The following PLAAT4 variants were observed in gnomAD, a reference collection of about 807,000 sequenced individuals.
PLAAT4 encodes phospholipase A and acyltransferase 4, also known as HRAS-like suppressor 4.
A neutral mutation model predicts 14.1 loss-of-function variants in PLAAT4; 12 were observed. The observed-to-expected ratio is 0.85, with a 90% CI of 0.54 to 1.37. The LOEUF is 1.37. Ranked by LOEUF, PLAAT4 falls within the 40% of genes most tolerant of loss-of-function variation. The probability of loss-of-function intolerance (pLI) is 0.00; values close to 1 mark genes in which losing one functional copy is unlikely to be tolerated. For missense variants in PLAAT4, 163 were observed against 211.7 expected, an observed-to-expected ratio of 0.77 and a Z score of 1.43; for synonymous variants, 77 against 79.8, an observed-to-expected ratio of 0.96 and a Z score of 0.19.
chr11:63,536,883 T>C lies in PLAAT4; in HGVS notation c.9+6T>C, dbSNP rs779660328. ...TTGGCTTCGAGATGGCTTCGGTAAG[T>C]TTCCCAGGGCTTTGCATTACTGACT... On this transcript the variant is annotated splice_donor_region_variant and intron_variant, in intron 1 of 3. Transcript: ENST00000255688. 6.2e-7 allele frequency: 1 copy of C among 1,612,270 alleles called. No individual in the cohort carries two copies. Among genetic ancestry groups the C allele is most frequent in the South Asian group, 1.1e-5 (1 of 90,938 alleles).
At chr11:63,545,462 G>A (rs751548068) in intron 3 of PLAAT4, 5 of 171,242 alleles carry the variant, frequency 2.9e-5, no homozygotes, top group Non-Finnish European at 6.4e-5. Context: ...CCTGGCCTGC[G>A]TGACTGAATG....
At chr11:63,539,976 TA>T (rs903853997) in intron 2 of PLAAT4, among the ~76,000 whole-genome samples, 1 of 152,252 alleles carries the variant, frequency 6.6e-6, no homozygotes, top group African/African-American at 2.4e-5. Flanking sequence ...AATAAAAAAA[TA>T]AGTCAATGAG....
At chr11:63,538,899 T>C (rs1249801695) in intron 1 of PLAAT4, among the ~76,000 whole-genome samples, 1 of 152,060 alleles carries the variant, frequency 6.6e-6, no homozygotes, top group Non-Finnish European at 1.5e-5. Context: ...GTTCTGTGAG[T>C]GCAGAGCCCC....
chr11:63,539,349 C>T (rs540987410), intron 1 of PLAAT4, among the ~76,000 whole-genome samples, 167 bp from the exon 2 acceptor site: 1 of 152,362 alleles, frequency 6.6e-6, no homozygotes, highest in Admixed American at 6.5e-5. Flanking sequence ...CCCAGTGCCC[C>T]CACTGAGAAG....
intron 2 of PLAAT4, 128 bp downstream of exon 2, chr11:63,539,752 A>G (rs1414132903): frequency 5.0e-5 from 29 of 578,492 alleles, no homozygotes; most frequent in Non-Finnish European, 7.5e-5. Context: ...ACCTGAGGTC[A>G]GGAGTTCAAG....
rs1189327938 is a variant in PLAAT4 at position 63,544,710 on chromosome 11, G to C, written c.208G>C (p.Gly70Arg). The change falls in exon 3 of 4, where the codon GGA becomes CGA. Residue 70 changes from glycine to arginine, a missense_variant. Physicochemically the swap from Gly to Arg is moderately radical, Grantham distance 125. Coordinates refer to ENST00000255688, the MANE Select transcript of PLAAT4 (RefSeq NM_004585.5). ...VKRERLEDVV[G>R]GCCYRVNNSL... ...ACGGGAGCGCCTGGAAGATGTGGTG[G>C]GAGGCTGTTGCTATCGGGTCAACAA... The C allele has an allele frequency of 6.2e-7, 1 of 1,614,080 alleles. No homozygotes were observed. The highest frequency in any genetic ancestry group is 8.5e-7 in the Non-Finnish European group (1 of 1,180,044).
chr11:63,543,035 T>C (rs2017333784), intron 2 of PLAAT4, among the ~76,000 whole-genome samples: 1 of 152,252 alleles, frequency 6.6e-6, no homozygotes, highest in South Asian at 2.1e-4. Flanking sequence ...AGTAAAATTC[T>C]TAACCACGGT....
chr11:63,537,781 C>T (rs1337802085), intron 1 of PLAAT4, among the ~76,000 whole-genome samples: 5 of 152,204 alleles, frequency 3.3e-5, no homozygotes, highest in African/African-American at 9.7e-5. Flanking sequence ...GCTCCTTTCT[C>T]CTCCCTCTTC....
intron 3 of PLAAT4, chr11:63,545,130 G>A: frequency 1.6e-6 from 1 of 613,330 alleles, no homozygotes; most frequent in Non-Finnish European, 2.9e-6. Flanking sequence ...GAGCTCTGAG[G>A]ATCCTTCCCC....
chr11:63,544,715 C>T lies in PLAAT4; in HGVS notation c.213C>T (p.Gly71=). The change falls in exon 3 of 4, where the codon GGC becomes GGT. Residue 71 remains glycine (G), a synonymous_variant. Coordinates refer to ENST00000255688, the MANE Select transcript of PLAAT4 (RefSeq NM_004585.5). The part of the protein sequence containing the change: ...KRERLEDVVG[G]CCYRVNNSLD... ...AGCGCCTGGAAGATGTGGTGGGAGG[C>T]TGTTGCTATCGGGTCAACAACAGCT... 6.2e-7 allele frequency: 1 copy of T among 1,614,206 alleles called. No homozygotes were observed. Among genetic ancestry groups the T allele is most frequent in the Non-Finnish European group, 8.5e-7 (1 of 1,180,028 alleles).
At chr11:63,541,456 C>T (rs2134357603) in intron 2 of PLAAT4, among the ~76,000 whole-genome samples, 1 of 151,760 alleles carries the variant, frequency 6.6e-6, no homozygotes, top group East Asian at 1.9e-4. Context: ...TCCCAAAGTG[C>T]TGGGATTACA....
chr11:63,539,856 G>A (rs2017307649), intron 2 of PLAAT4, among the ~76,000 whole-genome samples: 1 of 152,226 alleles, frequency 6.6e-6, no homozygotes, highest in Non-Finnish European at 1.5e-5. Flanking sequence ...AGCTACTCAG[G>A]AGGCTGAGGC....
chr11:63,542,873 T>G (rs1210774377), intron 2 of PLAAT4, among the ~76,000 whole-genome samples: 2 of 152,248 alleles, frequency 1.3e-5, no homozygotes, highest in Admixed American at 6.5e-5. Flanking sequence ...TGTGTTATCC[T>G]GATTACAGTG....
Position 63,536,813 on chromosome 11 carries a change from A to C in PLAAT4, c.-56A>C, listed in dbSNP as rs1459704917. ...AAGTGAAAGTGAAATTCTCTCCTTC[A>C]GCATAAAAGCTGATCCACAAACAAG... On this transcript the variant is annotated 5_prime_UTR_variant, in exon 1 of 4. Coordinates refer to ENST00000255688, the MANE Select transcript of PLAAT4 (RefSeq NM_004585.5). The C allele has an allele frequency of 6.3e-7, 1 of 1,586,178 alleles. No homozygotes were observed.
Position 63,544,640 on chromosome 11 carries a change from C to T in PLAAT4, c.138C>T (p.Gly46=). Reference sequence around the variant, plus strand: ...TTGCAGGTGAGTACCCCGGGGCTGGCTCCTCCAGTGTCTTCTCAGTCCTGA... The same window carrying T: ...TTGCAGGTGAGTACCCCGGGGCTGGTTCCTCCAGTGTCTTCTCAGTCCTGA... ...LAPPSEYPGA[G]SSSVFSVLSN... is the part of the protein sequence containing the mutation. Residue 46 remains glycine (G), a synonymous_variant, in exon 3 of 4, where the codon GGC becomes GGT. Coordinates refer to ENST00000255688, the MANE Select transcript of PLAAT4 (RefSeq NM_004585.5). 6.2e-7 allele frequency: 1 copy of T among 1,613,074 alleles called. No individual in the cohort carries two copies. Among genetic ancestry groups the T allele is most frequent in the Non-Finnish European group, 8.5e-7 (1 of 1,179,102 alleles).
intron 1 of PLAAT4, among the ~76,000 whole-genome samples, chr11:63,539,231 CA>C (rs1317513498): frequency 1.3e-5 from 2 of 152,262 alleles, no homozygotes; most frequent in Non-Finnish European, 2.9e-5. Context: ...CACATGCACA[CA>C]CATCTGCATC....
At chr11:63,539,701 C>T in intron 2 of PLAAT4, 77 bp downstream of exon 2, 1 of 1,136,476 alleles carries the variant, frequency 8.8e-7, no homozygotes, top group South Asian at 1.4e-5. Context: ...GTGGCTCATG[C>T]CTGTAATCCC....
In PLAAT4 at chr11:63,546,243, A is replaced by C. The variant is rs773640180; in HGVS notation, c.482A>C (p.Lys161Thr). The C allele has an allele frequency of 4.3e-6, 7 of 1,613,992 alleles. No individual in the cohort carries two copies. The African/African-American group carries it at 8.0e-5, about 18-fold the overall frequency. ...CSFAIRRYQKKATA is the reference protein window; with the variant it reads ...CSFAIRRYQKTATA ...TTTGCGATTAGGAGATACCAAAAAA[A>C]AGCGACAGCCTGAAGCAGCCACAAA... is the stretch of plus-strand genomic sequence containing the variant. The change falls in exon 4 of 4, where the codon AAA becomes ACA. Residue 161 changes from lysine to threonine, a missense_variant. Physicochemically the swap from Lys to Thr is moderately conservative, Grantham distance 78. Coordinates refer to ENST00000255688, the MANE Select transcript of PLAAT4 (RefSeq NM_004585.5).
intron 3 of PLAAT4, among the ~76,000 whole-genome samples, chr11:63,545,803 C>G (rs533401848): frequency 6.8e-4 from 104 of 152,178 alleles, no homozygotes; most frequent in Non-Finnish European, 1.4e-3. Flanking sequence ...GAGCTCTGAC[C>G]CTAGGAAGCG....
Sources: allele counts gnomAD v4.1 joint callset (sites outside exome capture counted in the v4.1 genomes callset), GRCh38; gene constraint gnomAD v4.1.1; transcripts MANE v1.5; gene names NCBI Gene and HGNC (gene_info 2026-07-23, HGNC 2026-07-21).